The following LONP2 variants were observed in gnomAD, a reference collection of about 807,000 sequenced individuals.
LONP2 encodes the protein lon protease homolog 2, peroxisomal.
In LONP2, 60 loss-of-function variants were observed where a neutral mutation model predicts 85.6. The ratio of observed to expected loss-of-function variants is 0.70; its 90% CI spans 0.57 to 0.87. The LOEUF is 0.87. LONP2 is among the 40% of genes least tolerant of loss of function. The pLI is 0.00. For synonymous variants in LONP2, 395 were observed against 389.7 expected (o/e 1.01, Z -0.16); for missense variants, 860 against 1,063.5 (o/e 0.81, Z 2.66).
chr16:48,328,826 C>CA lies in LONP2; in HGVS notation c.1796-5380dup, dbSNP rs199733293. On this transcript the variant is annotated intron_variant, in intron 11 of 14. Coordinates refer to ENST00000285737, the MANE Select transcript of LONP2 (RefSeq NM_031490.5). ...CACCACTACGCTCCAGCCTCTGTCT[C>CA]AAAAAAAAAAGGGGGGGAGGGGCGG... Among the ~76,000 whole-genome samples the CA allele has an allele frequency of 3.3e-3, 241 of 73,934 alleles. 1 individual carries two copies. The highest frequency in any genetic ancestry group is 8.3e-3 in the African/African-American group (175 of 20,980). The allele number at this position is 73,934 out of a possible 152,430, so 48.5% of individuals were successfully genotyped here.
At chr16:48,303,105 T>C in intron 10 of LONP2, 67 bp from the exon 11 acceptor site, 3 of 1,553,000 alleles carry the variant, frequency 1.9e-6, no homozygotes, top group Non-Finnish European at 2.6e-6. Context: ...AAAATGTTAA[T>C]CACATTACCT....
intron 11 of LONP2, among the ~76,000 whole-genome samples, chr16:48,307,186 G>A (rs1972928899): frequency 6.6e-6 from 1 of 152,272 alleles, no homozygotes; most frequent in East Asian, 1.9e-4. Context: ...CTGTGTTAGC[G>A]GAGGAACATT....
intron 11 of LONP2, among the ~76,000 whole-genome samples, chr16:48,328,373 G>A (rs1596989019): frequency 2.0e-5 from 3 of 151,602 alleles, no homozygotes; most frequent in Admixed American, 2.0e-4. Flanking sequence ...GTGAAACCCC[G>A]TCTCTACTAA....
At chr16:48,314,972 G>A (rs187775531) in intron 11 of LONP2, among the ~76,000 whole-genome samples, 38 of 152,118 alleles carry the variant, frequency 2.5e-4, no homozygotes, top group African/African-American at 6.7e-4. Flanking sequence ...CCTTTCCAAC[G>A]TTATACCTTT....
chr16:48,268,497 A>G (rs57858756), intron 6 of LONP2, among the ~76,000 whole-genome samples: 2,087 of 152,344 alleles, frequency 0.014, 47 homozygotes, highest in African/African-American at 0.047. Context: ...TTGCATAACT[A>G]AAATAAATCC....
chr16:48,331,507 C>G (rs868596677), intron 11 of LONP2, among the ~76,000 whole-genome samples: 14 of 152,072 alleles, frequency 9.2e-5, no homozygotes, highest in Admixed American at 4.6e-4. Context: ...ATATATATAA[C>G]TCAAGACTTA....
At chr16:48,259,640 C>T (rs1016184148) in intron 4 of LONP2, among the ~76,000 whole-genome samples, 5 of 152,170 alleles carry the variant, frequency 3.3e-5, no homozygotes, top group East Asian at 1.9e-4. Flanking sequence ...GTAGAGAAAG[C>T]GGAGCAGAAG....
At chr16:48,308,372 A>G (rs1972956578) in intron 11 of LONP2, among the ~76,000 whole-genome samples, 1 of 152,156 alleles carries the variant, frequency 6.6e-6, no homozygotes, top group Non-Finnish European at 1.5e-5. Flanking sequence ...CACACCTGTA[A>G]TCTCAGCACT....
At chr16:48,315,494 G>C (rs1382130651) in intron 11 of LONP2, among the ~76,000 whole-genome samples, 1 of 152,124 alleles carries the variant, frequency 6.6e-6, no homozygotes, top group East Asian at 1.9e-4. Flanking sequence ...AGAGAAGGGG[G>C]CCTGAACTCA....
chr16:48,263,045 A>T (rs74016357), intron 6 of LONP2, among the ~76,000 whole-genome samples, 173 bp downstream of exon 6: 2,089 of 152,324 alleles, frequency 0.014, 48 homozygotes, highest in African/African-American at 0.048. Flanking sequence ...GCTGTATATA[A>T]TTAATGAATA....
rs183140111 is a variant in LONP2, at chr16:48,343,505, T to G, written c.1939-4002T>G. On this transcript the variant is annotated intron_variant, in intron 12 of 14. Coordinates refer to ENST00000285737, the MANE Select transcript of LONP2 (RefSeq NM_031490.5). ...TGAGGTCAGGAGTTCGAGACCAGCC[T>G]GGCCAAGATTGTGAAACCCCCGTCT... Among the ~76,000 whole-genome samples, 109 of 152,116 alleles carry G rather than the reference T, an allele frequency of 7.2e-4. 2 individuals carry two copies. The East Asian group carries it at 0.02, about 28-fold the overall frequency.
chr16:48,323,638 A>G (rs1973310975), intron 11 of LONP2, among the ~76,000 whole-genome samples: 2 of 151,756 alleles, frequency 1.3e-5, no homozygotes, highest in Non-Finnish European at 2.9e-5. Flanking sequence ...AGCCTGGGCA[A>G]CAGGTGAGAC....
intron 10 of LONP2, among the ~76,000 whole-genome samples, chr16:48,301,132 G>A (rs926892510): frequency 6.6e-6 from 1 of 152,108 alleles, no homozygotes; most frequent in African/African-American, 2.4e-5. Context: ...TGGATATTTA[G>A]TGAGTTACCA....
At chr16:48,262,921 A>G (rs779021422) in intron 6 of LONP2, 49 bp downstream of exon 6, 2 of 1,163,080 alleles carry the variant, frequency 1.7e-6, no homozygotes, top group East Asian at 2.5e-5. Flanking sequence ...TCACTCAGAA[A>G]GCTCATGCAA....
chr16:48,306,607 G>A (rs572981361), intron 11 of LONP2, among the ~76,000 whole-genome samples: 1 of 152,230 alleles, frequency 6.6e-6, no homozygotes, highest in South Asian at 2.1e-4. Context: ...AGAGGCATAG[G>A]TATGGACTCC....
At chr16:48,259,353 C>T (rs59077393) in intron 4 of LONP2, among the ~76,000 whole-genome samples, 1,859 of 152,284 alleles carry the variant, frequency 0.012, 39 homozygotes, top group African/African-American at 0.042. Flanking sequence ...CTCAACACCA[C>T]TAATTAAATA....
intron 11 of LONP2, among the ~76,000 whole-genome samples, chr16:48,314,067 G>A (rs755283611): frequency 1.8e-4 from 27 of 151,912 alleles, no homozygotes; most frequent in South Asian, 6.2e-4. Context: ...GTGATGTTGA[G>A]CTCTTTGTCC....
chr16:48,332,772 G>A (rs567209150), intron 11 of LONP2, among the ~76,000 whole-genome samples: 3 of 151,976 alleles, frequency 2.0e-5, no homozygotes, highest in Admixed American at 6.5e-5. Flanking sequence ...GCCGGGCATG[G>A]TGTTGTGCAC....
intron 8 of LONP2, among the ~76,000 whole-genome samples, chr16:48,294,237 G>A (rs1243358049): frequency 2.0e-5 from 3 of 152,102 alleles, no homozygotes; most frequent in East Asian, 1.9e-4. Context: ...CACCGTGCCC[G>A]GCCTGTGAAC....
Sources: allele counts gnomAD v4.1 joint callset (sites outside exome capture counted in the v4.1 genomes callset), GRCh38; gene constraint gnomAD v4.1.1; transcripts MANE v1.5; gene names NCBI Gene and HGNC (gene_info 2026-07-23, HGNC 2026-07-21).